The following CLIC6 variants were observed in gnomAD, a reference collection of about 807,000 sequenced individuals.
The protein encoded by CLIC6 is chloride intracellular channel protein 6.
In CLIC6, 39 loss-of-function variants were observed where a neutral mutation model predicts 49.2. The ratio of observed to expected loss-of-function variants is 0.79; its 90% CI spans 0.61 to 1.04. The LOEUF is 1.04. CLIC6 is among the 50% of genes least tolerant of loss of function. The pLI is 0.00. For synonymous variants in CLIC6, 446 were observed against 433.4 expected (o/e 1.03, Z -0.36); for missense variants, 988 against 993.1 (o/e 0.99, Z 0.07).
At chr21:34,694,485 AT>A (rs1036001756) in intron 1 of CLIC6, among the ~76,000 whole-genome samples, 5 of 151,382 alleles carry the variant, frequency 3.3e-5, no homozygotes, top group African/African-American at 1.2e-4. Flanking sequence ...TTTTGTTTGT[AT>A]TTTTTTGTAG....
chr21:34,669,609 G>A lies in CLIC6; in HGVS notation c.221G>A (p.Arg74Gln). The A allele has an allele frequency of 2.4e-6, 3 of 1,268,138 alleles. No individual in the cohort carries two copies. Among genetic ancestry groups the A allele is most frequent in the Non-Finnish European group, 3.0e-6 (3 of 1,009,954 alleles). The allele number at this position is 1,268,138 out of a possible 1,614,324, so 78.6% of individuals were successfully genotyped here. ...GPDRGPEAEA[R>Q]GTRGAHGETE... ...GACAGGGGCCCGGAGGCCGAGGCGCGGGGCACGAGGGGGGCGCACGGCGAG... is the reference window on the plus strand; with the variant it reads ...GACAGGGGCCCGGAGGCCGAGGCGCAGGGCACGAGGGGGGCGCACGGCGAG... Residue 74 changes from arginine to glutamine, a missense_variant, in exon 1 of 6, where the codon CGG (arginine) becomes CAG (glutamine). This residue lies in a region of CLIC6 where 284 missense variants were observed against 278.6 expected (regional missense o/e 1.02). Transcript: ENST00000349499.
At chr21:34,683,087 A>C (rs1300947734) in intron 1 of CLIC6, among the ~76,000 whole-genome samples, 8 of 152,142 alleles carry the variant, frequency 5.3e-5, no homozygotes. Context: ...CTAGGATTAC[A>C]GGCGTGAGCC....
intron 5 of CLIC6, among the ~76,000 whole-genome samples, chr21:34,710,590 G>C (rs2056049765): frequency 1.3e-5 from 2 of 152,184 alleles, no homozygotes; most frequent in African/African-American, 4.8e-5. Context: ...AAGGCGGGCA[G>C]GTCACGAAGT....
At chr21:34,694,759 A>G (rs545371902) in intron 1 of CLIC6, among the ~76,000 whole-genome samples, 3 of 152,334 alleles carry the variant, frequency 2.0e-5, no homozygotes, top group Admixed American at 1.3e-4. Context: ...AGAATGGACT[A>G]ATACACCTTG....
intron 5 of CLIC6, among the ~76,000 whole-genome samples, chr21:34,714,731 A>G (rs1357906460): frequency 6.6e-6 from 1 of 152,002 alleles, no homozygotes; most frequent in Non-Finnish European, 1.5e-5. Flanking sequence ...CAAGAAATAG[A>G]GAATTCCTAT....
intron 1 of CLIC6, among the ~76,000 whole-genome samples, chr21:34,688,427 C>G (rs900814683): frequency 6.6e-6 from 1 of 152,230 alleles, no homozygotes; most frequent in Admixed American, 6.5e-5. Context: ...GTCTCCTCTG[C>G]GGCTGGCGTT....
rs560364836 is a variant in CLIC6 at position 34,698,613 on chromosome 21, C to G, written c.1375-8667C>G. Among the ~76,000 whole-genome samples, 4 of 152,218 alleles carry G rather than the reference C, an allele frequency of 2.6e-5. No individual in the cohort carries two copies. The South Asian group carries it at 8.3e-4, about 32-fold the overall frequency. On this transcript the variant is annotated intron_variant, in intron 1 of 5. Transcript: ENST00000349499. ...CCTAAGTGTTGTGTCAGGCATTGTT[C>G]TAGGCGTCGTATGTGTACCATCTCA...
At chr21:34,695,424 A>G (rs1431876632) in intron 1 of CLIC6, among the ~76,000 whole-genome samples, 1 of 152,258 alleles carries the variant, frequency 6.6e-6, no homozygotes, top group African/African-American at 2.4e-5. Flanking sequence ...TTGCCATGCA[A>G]GGTAATGCAT....
intron 1 of CLIC6, among the ~76,000 whole-genome samples, chr21:34,694,906 G>T (rs528139446): frequency 5.3e-5 from 8 of 152,312 alleles, no homozygotes; most frequent in Admixed American, 3.9e-4. Flanking sequence ...CTGCTTCAGG[G>T]TTTCCTCCCT....
At chr21:34,687,525 A>G (rs1310769871) in intron 1 of CLIC6, among the ~76,000 whole-genome samples, 1 of 152,214 alleles carries the variant, frequency 6.6e-6, no homozygotes, top group African/African-American at 2.4e-5. Context: ...GATGGCAAAT[A>G]CCAGTTTGTT....
At chr21:34,687,003 T>G (rs1023872506) in intron 1 of CLIC6, among the ~76,000 whole-genome samples, 3 of 152,172 alleles carry the variant, frequency 2.0e-5, no homozygotes, top group African/African-American at 7.2e-5. Context: ...ACTCACAAAA[T>G]CATGAGATAC....
intron 4 of CLIC6, 51 bp downstream of exon 4, chr21:34,708,857 G>A: frequency 7.5e-7 from 1 of 1,325,002 alleles, no homozygotes; most frequent in Non-Finnish European, 1.1e-6. Flanking sequence ...TTGAGTCTTA[G>A]CATGGCGGCC....
intron 1 of CLIC6, among the ~76,000 whole-genome samples, chr21:34,694,596 A>C (rs1453198075): frequency 6.6e-6 from 1 of 152,040 alleles, no homozygotes; most frequent in African/African-American, 2.4e-5. Flanking sequence ...GCCATGTAGG[A>C]TGTGCCTGCT....
At chr21:34,716,073 T>C (rs903491867) in intron 5 of CLIC6, among the ~76,000 whole-genome samples, 2 of 152,170 alleles carry the variant, frequency 1.3e-5, no homozygotes, top group African/African-American at 4.8e-5. Context: ...CCAAGACCCA[T>C]CTGTGACAAA....
intron 1 of CLIC6, among the ~76,000 whole-genome samples, chr21:34,694,135 AT>A (rs57210806): frequency 0.17 from 21,510 of 128,338 alleles, 1,655 homozygotes; most frequent in Non-Finnish European, 0.2. Context: ...CGCCTGGTTA[AT>A]TTTTTTTTTT....
At position 34,707,983 on chromosome 21, in the gene CLIC6, C is replaced by A. The variant is rs758651346; in HGVS notation, c.1524C>A (p.Asn508Lys). 6.2e-7 allele frequency: 1 copy of A among 1,614,158 alleles called. No individual in the cohort carries two copies. Among genetic ancestry groups the A allele is most frequent in the Non-Finnish European group, 8.5e-7 (1 of 1,180,026 alleles). The change falls in exon 3 of 6, where the codon AAC becomes AAA. Residue 508 changes from asparagine (N) to lysine (K), a missense_variant. Coordinates refer to ENST00000349499, the MANE Select transcript of CLIC6 (RefSeq NM_053277.3). ...TGCAGAACCTGGCTCCCGGAACAAA[C>A]CCTCCTTTCATGACTTTTGATGGTG... is the stretch of plus-strand genomic sequence containing the variant. ...ADLQNLAPGT[N>K]PPFMTFDGEV...
rs866868301 is a variant in CLIC6, at chr21:34,695,457, C to T, written c.1375-11823C>T. Among the ~76,000 whole-genome samples the T allele has an allele frequency of 9.9e-5, 15 of 152,240 alleles. No homozygotes were observed. The South Asian group carries it at 2.1e-3, about 21-fold the overall frequency. Reference sequence around the variant, plus strand: ...CATTCACAGATGCTGTGAACTAGTACATGGACATCTTTGAGAGGTCATTAT... The same window carrying T: ...CATTCACAGATGCTGTGAACTAGTATATGGACATCTTTGAGAGGTCATTAT... On this transcript the variant is annotated intron_variant, in intron 1 of 5. Coordinates refer to ENST00000349499, the MANE Select transcript of CLIC6 (RefSeq NM_053277.3).
At chr21:34,701,068 C>A (rs1156265172) in intron 1 of CLIC6, among the ~76,000 whole-genome samples, 1 of 138,912 alleles carries the variant, frequency 7.2e-6, no homozygotes. Context: ...TCAGTGAGGC[C>A]GAGGCGGGTG....
chr21:34,669,982 C>G lies in CLIC6; in HGVS notation c.594C>G (p.Asp198Glu), dbSNP rs1307460835. The G allele has an allele frequency of 7.3e-7, 1 of 1,377,724 alleles. No homozygotes were observed. Among genetic ancestry groups the G allele is most frequent in the African/African-American group, 1.6e-5 (1 of 64,070 alleles). The allele number at this position is 1,377,724 out of a possible 1,614,324, so 85.3% of individuals were successfully genotyped here. A position where few individuals can be genotyped will look rare whatever the true frequency, so the allele number is the denominator to read the frequency against. The change falls in exon 1 of 6, where the codon GAC (aspartate) becomes GAG (glutamate). Residue 198 changes from aspartate (D) to glutamate (E), a missense_variant. Physicochemically the swap from Asp to Glu is conservative, Grantham distance 45 (BLOSUM62 2). Transcript: ENST00000349499. Reference sequence around the variant, plus strand: ...TAGACGCGGAAGGTCCGGCGGGGGACAGCGTAGACGCGGAGGGCCCGCTGG... The same window carrying G: ...TAGACGCGGAAGGTCCGGCGGGGGAGAGCGTAGACGCGGAGGGCCCGCTGG... ...DSVDAEGPAG[D>E]SVDAEGPLGD...
Sources: allele counts gnomAD v4.1 joint callset (sites outside exome capture counted in the v4.1 genomes callset), GRCh38; gene constraint gnomAD v4.1.1; regional missense constraint gnomAD v4.1.1; transcripts MANE v1.5; gene names NCBI Gene and HGNC (gene_info 2026-07-23, HGNC 2026-07-21).